Variants in SPOCK2 observed in about 807,000 individuals in gnomAD.
The protein encoded by SPOCK2 is SPARC (osteonectin), cwcv and kazal like domains proteoglycan 2.
SPOCK2 carries 39 observed loss-of-function variants against 60.1 expected under a neutral mutation model. That is an observed-to-expected ratio of 0.65 (90% CI 0.50 to 0.85). The LOEUF (loss-of-function observed/expected upper bound fraction) is 0.85. Among genes scored for constraint, SPOCK2 ranks in the 40% least tolerant of loss-of-function variants. The pLI is 0.00. For synonymous variants in SPOCK2, 217 were observed against 231.5 expected, an observed-to-expected ratio of 0.94 and a Z score of 0.57; for missense variants, 523 against 567.4, an observed-to-expected ratio of 0.92 and a Z score of 0.80.
chr10:72,067,017 G>A lies in SPOCK2; in HGVS notation c.813C>T (p.Ala271=), dbSNP rs7079142. The A allele has an allele frequency of 1.4e-3, 2,321 of 1,614,212 alleles. 29 individuals carry two copies. The African/African-American group carries it at 0.026, about 18-fold the overall frequency. ...CCTCGTACTTGTCCAGGTTGATGGC[G>A]GCCAGCTCCGTCTGGTCCAGGAAGA... The part of the protein sequence containing the change: ...ADLFLDQTEL[A]AINLDKYEVC... The change falls in exon 8 of 11, where the codon GCC becomes GCT. Residue 271 remains alanine, a synonymous_variant. Transcript: ENST00000373109.
chr10:72,066,482 T>A (rs914897861), intron 8 of SPOCK2, among the ~76,000 whole-genome samples: 3 of 149,460 alleles, frequency 2.0e-5, no homozygotes, highest in Admixed American at 6.7e-5. Context: ...GGACCACAAA[T>A]GCATGCCACC....
chr10:72,077,219 C>G (rs1195500551), intron 1 of SPOCK2, among the ~76,000 whole-genome samples: 1 of 152,192 alleles, frequency 6.6e-6, no homozygotes, highest in Admixed American at 6.5e-5. Context: ...CTCCCAGGCT[C>G]AAGCGATCCT....
intron 1 of SPOCK2, among the ~76,000 whole-genome samples, chr10:72,080,863 C>T (rs1000717814): frequency 6.6e-6 from 1 of 152,130 alleles, no homozygotes; most frequent in Non-Finnish European, 1.5e-5. Context: ...CCACCTGCTG[C>T]CCGGGCCCTG....
intron 1 of SPOCK2, among the ~76,000 whole-genome samples, chr10:72,074,985 G>A (rs1453757586): frequency 6.6e-6 from 1 of 152,000 alleles, no homozygotes; most frequent in Non-Finnish European, 1.5e-5. Context: ...AGCCTGTGGG[G>A]CACCTGGCCC....
intron 1 of SPOCK2, among the ~76,000 whole-genome samples, chr10:72,085,148 A>G (rs2131824659): frequency 6.6e-6 from 1 of 152,236 alleles, no homozygotes; most frequent in Non-Finnish European, 1.5e-5. Context: ...AATTCCACCC[A>G]GTTGTGCAGG....
At chr10:72,084,388 G>A (rs1398658775) in intron 1 of SPOCK2, among the ~76,000 whole-genome samples, 3 of 152,196 alleles carry the variant, frequency 2.0e-5, no homozygotes, top group African/African-American at 4.8e-5. Flanking sequence ...AGCCCGAACT[G>A]GCACCCAGGC....
At chr10:72,069,549 A>T (rs1237080390) in intron 5 of SPOCK2, among the ~76,000 whole-genome samples, 1 of 149,140 alleles carries the variant, frequency 6.7e-6, no homozygotes, top group Non-Finnish European at 1.5e-5. Flanking sequence ...GGCTCACTAC[A>T]GCCTCGAACT....
rs150333406 is a variant in SPOCK2 at position 72,062,758 on chromosome 10, G to A, written c.*2C>T. On this transcript the variant is annotated 3_prime_UTR_variant, in exon 11 of 11. Transcript: ENST00000373109. The surrounding 1 kb of genome is among the most constrained non-coding windows in gnomAD (Gnocchi z 4.3). ...CCCCCGGCAGCCGGCTCCTGAGGGC[G>A]TCTACCAGATGTAGCCCCCGTCGTC... is the stretch of plus-strand genomic sequence containing the variant. 8.5e-4 allele frequency: 1,359 copies of A among 1,600,324 alleles called. 1 individual carries two copies. The highest frequency in any genetic ancestry group is 4.4e-3 in the Middle Eastern group (25 of 5,650).
intron 1 of SPOCK2, among the ~76,000 whole-genome samples, chr10:72,079,335 C>T (rs1241195896): frequency 6.6e-6 from 1 of 152,196 alleles, no homozygotes; most frequent in Non-Finnish European, 1.5e-5. Context: ...TGCTTCAAGT[C>T]CTAGGCAGGG....
intron 8 of SPOCK2, 42 bp downstream of exon 8, chr10:72,066,860 C>T (rs2131811662): frequency 6.2e-7 from 1 of 1,610,674 alleles, no homozygotes; most frequent in Non-Finnish European, 8.5e-7. Flanking sequence ...GGGTAGAGCC[C>T]ACACGGGTGA....
At position 72,062,892 on chromosome 10, in the gene SPOCK2, G is replaced by A; in HGVS notation, c.1143C>T (p.Gly381=). 1 of 1,598,520 alleles carries A rather than the reference G, an allele frequency of 6.3e-7. No individual in the cohort carries two copies. Among genetic ancestry groups the A allele is most frequent in the South Asian group, 1.1e-5 (1 of 89,398 alleles). The change falls in exon 11 of 11, where the codon GGC becomes GGT. Residue 381 remains glycine, a synonymous_variant. Transcript: ENST00000373109. The surrounding 1 kb of genome is among the most constrained non-coding windows in gnomAD (Gnocchi z 4.3). ...CACCGCTTCCAAAGTCCCCCGAGAA[G>A]CCCACGATGTCATCTGTGAGGGGAT... is the stretch of plus-strand genomic sequence containing the variant. ...HGSPDCDDIV[G]FSGDFGSGVG... is the part of the protein sequence containing the mutation.
chr10:72,078,869 C>T (rs746859501), intron 1 of SPOCK2, among the ~76,000 whole-genome samples: 3 of 152,210 alleles, frequency 2.0e-5, no homozygotes, highest in East Asian at 1.9e-4. Context: ...CAGGCAATGT[C>T]GCCTCTGCCT....
rs369530712 is a variant in SPOCK2, at chr10:72,062,777, C to G, written c.1258G>C (p.Gly420Arg). 3 of 1,606,892 alleles carry G rather than the reference C, an allele frequency of 1.9e-6. No homozygotes were observed. The highest frequency in any genetic ancestry group is 2.2e-5 in the East Asian group (1 of 44,888). ...EEGEAGEADD[G>R]GYIW ...GAGGGCGTCTACCAGATGTAGCCCC[C>G]GTCGTCAGCCTCGCCTGCCTCGCCC... The change falls in exon 11 of 11, where the codon GGG becomes CGG. Residue 420 changes from glycine (G) to arginine (R), a missense_variant. Transcript: ENST00000373109. This position sits in a 1 kb window ranked among gnomAD's most constrained non-coding sequence, Gnocchi z 4.3.
intron 1 of SPOCK2, among the ~76,000 whole-genome samples, chr10:72,076,116 C>T (rs1185144690): frequency 6.6e-6 from 1 of 152,052 alleles, no homozygotes; most frequent in Non-Finnish European, 1.5e-5. Context: ...GAGGGAGAGG[C>T]CACCATGGGG....
rs1232839281 is a variant in SPOCK2 at position 72,088,284 on chromosome 10, G to A, written c.45C>T (p.Leu15=). ...GCGRLVLPLL[L]LAAAALAEGD... is the part of the protein sequence containing the mutation. ...CTTCGGCCAGGGCTGCCGCGGCCAG[G>A]AGCAGCAGCGGCAGCACCAGCCGCC... Residue 15 remains leucine, a synonymous_variant, in exon 1 of 11, where the codon CTC becomes CTT. Transcript: ENST00000373109. 2 of 1,602,310 alleles carry A rather than the reference G, an allele frequency of 1.2e-6. No individual in the cohort carries two copies. Among genetic ancestry groups the A allele is most frequent in the Admixed American group, 3.4e-5 (2 of 58,788 alleles).
At chr10:72,088,104 C>T (rs1328707239) in intron 1 of SPOCK2, 36 bp downstream of exon 1, 5 of 1,606,164 alleles carry the variant, frequency 3.1e-6, no homozygotes, top group Non-Finnish European at 4.3e-6. Flanking sequence ...GAACCCGCAA[C>T]CCCGGGTCTC....
chr10:72,074,807 TC>T (rs1227177269), intron 1 of SPOCK2, among the ~76,000 whole-genome samples: 2 of 152,136 alleles, frequency 1.3e-5, no homozygotes, highest in African/African-American at 4.8e-5. Context: ...TTCACGTGCC[TC>T]CCCGTGTGTT....
chr10:72,082,425 T>C (rs140471127), intron 1 of SPOCK2, among the ~76,000 whole-genome samples: 19 of 152,170 alleles, frequency 1.2e-4, no homozygotes, highest in African/African-American at 4.6e-4. Context: ...GGACTGCATA[T>C]CTGTGTCCCC....
chr10:72,066,762 C>T, intron 8 of SPOCK2, 140 bp downstream of exon 8: 1 of 889,772 alleles, frequency 1.1e-6, no homozygotes, highest in East Asian at 2.6e-5. Flanking sequence ...TAAGGGAGTG[C>T]AGGAAGTGGG....
Sources: gnomAD v4.1 joint callset for allele counts (sites outside exome capture counted in the v4.1 genomes callset) on GRCh38, gnomAD v4.1.1 for gene constraint, Gnocchi (gnomAD v3.1) non-coding constraint, MANE v1.5 for transcripts, NCBI Gene and HGNC (gene_info 2026-07-23, HGNC 2026-07-21) for gene names.